The following CERS3 variants were observed in gnomAD, a reference collection of about 807,000 sequenced individuals.
CERS3 encodes the protein ceramide synthase 3, also known as LAG1 homolog, ceramide synthase 3.
A neutral mutation model predicts 50.3 loss-of-function variants in CERS3; 33 were observed. The ratio of observed to expected loss-of-function variants is 0.66; its 90% CI spans 0.50 to 0.88. The LOEUF (loss-of-function observed/expected upper bound fraction) is 0.88. Ranked by LOEUF, CERS3 falls within the 40% of genes least tolerant of loss-of-function variation. The pLI, the probability that CERS3 is intolerant of heterozygous loss-of-function variation, is 0.00. For missense variants in CERS3, 470 were observed against 460.3 expected, an observed-to-expected ratio of 1.02 and a Z score of -0.19; for synonymous variants, 176 against 155.2, an observed-to-expected ratio of 1.13 and a Z score of -0.99.
intron 11 of CERS3, among the ~76,000 whole-genome samples, chr15:100,451,169 C>T (rs2034147611): frequency 6.6e-6 from 1 of 151,478 alleles, no homozygotes; most frequent in African/African-American, 2.4e-5. Flanking sequence ...TCAAATGTTA[C>T]CACTGCAGAA....
At chr15:100,438,738 G>A (rs2033543962) in intron 11 of CERS3, among the ~76,000 whole-genome samples, 1 of 152,204 alleles carries the variant, frequency 6.6e-6, no homozygotes, top group Admixed American at 6.5e-5. Context: ...GGCTGGGCAG[G>A]TTGCCAAGGG....
intron 8 of CERS3, among the ~76,000 whole-genome samples, chr15:100,473,744 T>C (rs2035040263): frequency 6.6e-6 from 1 of 152,244 alleles, no homozygotes. Context: ...TCTGACAGTT[T>C]CTCAAAAGAT....
chr15:100,436,966 T>C (rs2033441239), intron 11 of CERS3, among the ~76,000 whole-genome samples: 2 of 148,008 alleles, frequency 1.4e-5, no homozygotes, highest in Admixed American at 1.4e-4. Context: ...TTTTTTGAGA[T>C]GGAGTCTCAC....
Position 100,419,006 on chromosome 15 carries a change from G to A in CERS3, c.1000-16141C>T, listed in dbSNP as rs940352558. On this transcript the variant is annotated intron_variant, in intron 11 of 11. Transcript: ENST00000679737. ...CAAATTGTAAAGACCATCGAGACTA[G>A]GAAGAAACTGCATCAACTAACGAGC... Among the ~76,000 whole-genome samples, 760 of 148,418 alleles carry A rather than the reference G, an allele frequency of 5.1e-3. 8 individuals carry two copies. The highest frequency in any genetic ancestry group is 0.018 in the African/African-American group (725 of 40,460).
At chr15:100,471,722 T>C (rs1006033309) in intron 9 of CERS3, among the ~76,000 whole-genome samples, 1 of 152,200 alleles carries the variant, frequency 6.6e-6, no homozygotes, top group Non-Finnish European at 1.5e-5. Flanking sequence ...GAAGCACATA[T>C]AATAATCTTG....
rs529573916 is a variant in CERS3, at chr15:100,456,160, A to T, written c.846-114T>A. 24 of 631,716 alleles carry T rather than the reference A, an allele frequency of 3.8e-5. No individual in the cohort carries two copies. In the African/African-American group the frequency reaches 4.2e-4, roughly 11 times the overall value. The allele number at this position is 631,716 out of a possible 1,614,324, so 39.1% of individuals were successfully genotyped here. ...CATACATGTATTTCGTTTCTAATAA[A>T]GCCCAGAAAATTATCAAAAGAAAAG... is the stretch of plus-strand genomic sequence containing the variant. On this transcript the variant is annotated intron_variant, in intron 10 of 11. Coordinates refer to ENST00000679737, the MANE Select transcript of CERS3 (RefSeq NM_001378789.1).
chr15:100,528,366 T>G (rs1192434572), intron 1 of CERS3, among the ~76,000 whole-genome samples: 2 of 152,202 alleles, frequency 1.3e-5, no homozygotes, highest in East Asian at 3.8e-4. Flanking sequence ...CTTTGCCACC[T>G]GGCAAAGATC....
intron 11 of CERS3, among the ~76,000 whole-genome samples, chr15:100,438,490 T>C (rs899876422): frequency 1.3e-5 from 2 of 152,234 alleles, no homozygotes; most frequent in African/African-American, 4.8e-5. Flanking sequence ...TTCTGGTTTT[T>C]CTAGTTATTA....
chr15:100,486,343 T>A (rs750526997), intron 4 of CERS3, among the ~76,000 whole-genome samples: 20 of 152,120 alleles, frequency 1.3e-4, no homozygotes, highest in African/African-American at 4.8e-4. Context: ...AAACAGAAGA[T>A]CCAGTTCTGC....
rs1163993912 is a variant in CERS3 at position 100,488,110 on chromosome 15, T to A, written c.288+2707A>T. Among the ~76,000 whole-genome samples, 6 of 152,294 alleles carry A rather than the reference T, an allele frequency of 3.9e-5. No individual in the cohort carries two copies. The East Asian group carries it at 1.2e-3, about 29-fold the overall frequency. On this transcript the variant is annotated intron_variant, in intron 4 of 11. Transcript: ENST00000679737. ...GTTATCAGACACACACCTGCATAGA[T>A]ACAATCATAAGAGAACTGTGCAATA... is the stretch of plus-strand genomic sequence containing the variant.
intron 11 of CERS3, among the ~76,000 whole-genome samples, chr15:100,418,763 T>C (rs1341371844): frequency 7.5e-6 from 1 of 132,926 alleles, no homozygotes; most frequent in Non-Finnish European, 1.6e-5. Flanking sequence ...CAGAAGAGAG[T>C]GGGGGCCAAT....
chr15:100,447,441 A>C (rs1249382591), intron 11 of CERS3, among the ~76,000 whole-genome samples: 1 of 152,168 alleles, frequency 6.6e-6, no homozygotes, highest in African/African-American at 2.4e-5. Flanking sequence ...ATCTCCCTAA[A>C]ATGTCTAAAA....
chr15:100,428,969 C>A (rs1187485053), intron 11 of CERS3, among the ~76,000 whole-genome samples: 1 of 152,154 alleles, frequency 6.6e-6, no homozygotes, highest in Non-Finnish European at 1.5e-5. Context: ...AGAGGCCCTG[C>A]GATGTGAGAG....
intron 11 of CERS3, among the ~76,000 whole-genome samples, chr15:100,421,396 A>T (rs2032414198): frequency 6.6e-6 from 1 of 152,078 alleles, no homozygotes; most frequent in Non-Finnish European, 1.5e-5. Flanking sequence ...GGACCTCTTC[A>T]AGGAGAACTA....
upstream of CERS3, among the ~76,000 whole-genome samples, chr15:100,532,252 G>A (rs761453549): frequency 2.0e-5 from 3 of 152,128 alleles, no homozygotes; most frequent in Non-Finnish European, 4.4e-5. Flanking sequence ...ACCTAATTTC[G>A]TAGAGAAGAA....
Position 100,414,473 on chromosome 15 carries a change from C to G in CERS3, c.1000-11608G>C, listed in dbSNP as rs960627460. 4.6e-5 allele frequency among the ~76,000 whole-genome samples: 7 copies of G among 152,130 alleles called. No homozygotes were observed. The South Asian group carries it at 1.5e-3, about 32-fold the overall frequency. On this transcript the variant is annotated intron_variant, in intron 11 of 11. Coordinates refer to ENST00000679737, the MANE Select transcript of CERS3 (RefSeq NM_001378789.1). ...CAAAAAAGAGCCTATATAGCCAAGA[C>G]AATCCTAAGCAAAAAGAACAAAGCT...
chr15:100,445,409 T>C (rs12910102), intron 11 of CERS3, among the ~76,000 whole-genome samples: 145,044 of 152,188 alleles, frequency 0.95, 69,520 homozygotes, highest in East Asian at 1. Context: ...AATAAATAAT[T>C]TTTGCGGGCA....
chr15:100,424,775 T>A (rs2142100847), intron 11 of CERS3, among the ~76,000 whole-genome samples: 2 of 152,322 alleles, frequency 1.3e-5, no homozygotes, highest in Middle Eastern at 6.8e-3. Context: ...CACAAAAGTT[T>A]GCAAGAAAAT....
intron 3 of CERS3, 43 bp downstream of exon 3, chr15:100,501,634 G>A (rs146335425): frequency 1.3e-6 from 2 of 1,512,224 alleles, no homozygotes; most frequent in East Asian, 2.3e-5. Flanking sequence ...TAGTGTTAGA[G>A]CAAAGAGGGG....
Sources: allele counts gnomAD v4.1 joint callset (sites outside exome capture counted in the v4.1 genomes callset), GRCh38; gene constraint gnomAD v4.1.1; transcripts MANE v1.5; gene names NCBI Gene and HGNC (gene_info 2026-07-23, HGNC 2026-07-21).